The following CHCHD3 variants were observed in gnomAD, a reference collection of about 807,000 sequenced individuals.
The protein encoded by CHCHD3 is coiled-coil-helix-coiled-coil-helix domain containing 3, also known as MICOS complex subunit MIC19.
Under a neutral mutation model 38.2 loss-of-function variants are expected in CHCHD3, and 20 were observed. That is an observed-to-expected ratio of 0.52 (90% CI 0.37 to 0.76). The LOEUF (loss-of-function observed/expected upper bound fraction) is 0.76. Among genes scored for constraint, CHCHD3 ranks in the 30% least tolerant of loss-of-function variants. The probability of loss-of-function intolerance (pLI) is 0.00; values close to 1 mark genes in which losing one functional copy is unlikely to be tolerated. For missense variants in CHCHD3, 245 were observed against 279.2 expected, an observed-to-expected ratio of 0.88 and a Z score of 0.87; for synonymous variants, 82 against 100.0, an observed-to-expected ratio of 0.82 and a Z score of 1.07.
At chr7:133,081,739 TG>T in intron 1 of CHCHD3, 117 bp downstream of exon 1, 1 of 950,496 alleles carries the variant, frequency 1.1e-6, no homozygotes, top group Non-Finnish European at 1.6e-6. Flanking sequence ...CCTGGGCTTC[TG>T]GCCTTAATAC....
At chr7:132,873,774 C>T (rs370266767) in intron 5 of CHCHD3, among the ~76,000 whole-genome samples, 2 of 149,502 alleles carry the variant, frequency 1.3e-5, no homozygotes, top group Admixed American at 1.3e-4. Flanking sequence ...TCATCATCAT[C>T]ATTATTCACC....
chr7:132,946,434 T>C (rs1180046842), intron 4 of CHCHD3, among the ~76,000 whole-genome samples: 2 of 151,904 alleles, frequency 1.3e-5, no homozygotes, highest in Admixed American at 6.6e-5. Context: ...AGCTCCTCTA[T>C]GGTGTTGCTC....
At chr7:133,057,494 C>G (rs1048785457) in intron 2 of CHCHD3, among the ~76,000 whole-genome samples, 1 of 151,858 alleles carries the variant, frequency 6.6e-6, no homozygotes, top group African/African-American at 2.4e-5. Context: ...CCCAGCAGTT[C>G]AAGGCTGCAG....
At chr7:132,837,348 A>C (rs946570833) in intron 6 of CHCHD3, among the ~76,000 whole-genome samples, 1 of 152,182 alleles carries the variant, frequency 6.6e-6, no homozygotes, top group Non-Finnish European at 1.5e-5. Flanking sequence ...AACCAGTTCT[A>C]TTAATATGTC....
chr7:133,076,830 T>G (rs1479294848), intron 1 of CHCHD3, among the ~76,000 whole-genome samples: 1 of 152,236 alleles, frequency 6.6e-6, no homozygotes, highest in Non-Finnish European at 1.5e-5. Flanking sequence ...ATGAGCCACA[T>G]GAGACAAATA....
chr7:133,031,959 A>G (rs1813516451), intron 2 of CHCHD3, among the ~76,000 whole-genome samples: 1 of 152,152 alleles, frequency 6.6e-6, no homozygotes, highest in East Asian at 1.9e-4. Context: ...TGTTTAAGAA[A>G]ATAATAATCA....
chr7:132,851,987 G>C (rs1009418142), intron 5 of CHCHD3, among the ~76,000 whole-genome samples: 1 of 152,188 alleles, frequency 6.6e-6, no homozygotes, highest in African/African-American at 2.4e-5. Context: ...CGTGCACACA[G>C]AGTCCTCTTG....
intron 2 of CHCHD3, among the ~76,000 whole-genome samples, chr7:133,029,401 C>T (rs1813440085): frequency 6.6e-6 from 1 of 152,132 alleles, no homozygotes; most frequent in South Asian, 2.1e-4. Flanking sequence ...TCCCTATTTC[C>T]CCATCCCACA....
intron 4 of CHCHD3, among the ~76,000 whole-genome samples, chr7:132,933,327 C>T (rs1380476816): frequency 2.0e-5 from 3 of 152,138 alleles, no homozygotes; most frequent in Non-Finnish European, 4.4e-5. Context: ...AAGAAGGGGC[C>T]ACGTGATTTC....
At chr7:132,892,488 AC>A (rs1809386569) in intron 4 of CHCHD3, among the ~76,000 whole-genome samples, 1 of 152,108 alleles carries the variant, frequency 6.6e-6, no homozygotes, top group Non-Finnish European at 1.5e-5. Context: ...GAAAAGAAAA[AC>A]CTATTTTTCT....
At chr7:132,918,244 C>T (rs1420701849) in intron 4 of CHCHD3, among the ~76,000 whole-genome samples, 1 of 152,128 alleles carries the variant, frequency 6.6e-6, no homozygotes, top group Non-Finnish European at 1.5e-5. Context: ...GAGAAGGAAA[C>T]TGAATCTCAG....
chr7:132,958,552 T>TGATATTAAATATTAAATTTAATATCTCCA (rs1285387476), intron 4 of CHCHD3, among the ~76,000 whole-genome samples: 1 of 152,246 alleles, frequency 6.6e-6, no homozygotes, highest in Non-Finnish European at 1.5e-5. Context: ...ACATGTCTCA[T>TGATATTAAATATTAAATTTAATATCTCCA]GATATTAAAT....
At chr7:132,822,682 C>T (rs1028903570) in intron 6 of CHCHD3, among the ~76,000 whole-genome samples, 1 of 152,096 alleles carries the variant, frequency 6.6e-6, no homozygotes, top group African/African-American at 2.4e-5. Flanking sequence ...CTTAATGCTA[C>T]ACAGTTGGAA....
intron 4 of CHCHD3, among the ~76,000 whole-genome samples, chr7:132,908,912 G>A (rs1039035162): frequency 1.3e-5 from 2 of 152,238 alleles, no homozygotes; most frequent in Non-Finnish European, 2.9e-5. Context: ...TAGGGATATG[G>A]TTTGGCTGTG....
chr7:133,013,077 T>C (rs1812925816), intron 3 of CHCHD3, among the ~76,000 whole-genome samples: 2 of 149,576 alleles, frequency 1.3e-5, no homozygotes, highest in Non-Finnish European at 3.0e-5. Flanking sequence ...TCTCAGCTAC[T>C]TGGGAGGCTG....
chr7:133,017,391 C>G (rs557581963), intron 3 of CHCHD3, among the ~76,000 whole-genome samples: 1 of 152,206 alleles, frequency 6.6e-6, no homozygotes, highest in African/African-American at 2.4e-5. Flanking sequence ...AAACATTAAT[C>G]TTTTATGCAA....
At chr7:132,920,687 A>G (rs1212787864) in intron 4 of CHCHD3, among the ~76,000 whole-genome samples, 1 of 152,204 alleles carries the variant, frequency 6.6e-6, no homozygotes, top group African/African-American at 2.4e-5. Context: ...TGGCCCATCC[A>G]ATACAAGTTC....
At chr7:132,798,908 C>T (rs6947533) in intron 6 of CHCHD3, among the ~76,000 whole-genome samples, 16 of 151,850 alleles carry the variant, frequency 1.1e-4, no homozygotes, top group Non-Finnish European at 2.2e-4. Flanking sequence ...AAAGTCCATG[C>T]GTTATTTATG....
At chr7:133,029,885 G>A (rs559126045) in intron 2 of CHCHD3, among the ~76,000 whole-genome samples, 2 of 152,050 alleles carry the variant, frequency 1.3e-5, no homozygotes, top group African/African-American at 4.8e-5. Flanking sequence ...CAATGAAAGG[G>A]ACAGGAACAC....
Sources: gnomAD v4.1 joint callset for allele counts (sites outside exome capture counted in the v4.1 genomes callset) on GRCh38, gnomAD v4.1.1 for gene constraint, MANE v1.5 for transcripts, NCBI Gene and HGNC (gene_info 2026-07-23, HGNC 2026-07-21) for gene names.